Variants in WWOX observed in about 807,000 individuals in gnomAD.
The protein encoded by WWOX is WW domain containing oxidoreductase.
WWOX carries 69 observed loss-of-function variants against 46.2 expected under a neutral mutation model. The observed-to-expected ratio is 1.49, with a 90% CI of 1.23 to 1.82. The LOEUF (loss-of-function observed/expected upper bound fraction) is 1.82, where lower values mean the gene tolerates loss of function less well. Among genes scored for constraint, WWOX ranks in the 40% most tolerant of loss-of-function variants. WWOX has a pLI of 0.00. For missense variants in WWOX, 919 were observed against 542.6 expected (o/e 1.69, Z -6.89); for synonymous variants, 359 against 202.6 (o/e 1.77, Z -6.56).
intron 8 of WWOX, among the ~76,000 whole-genome samples, chr16:78,684,006 G>C (rs750474402): frequency 6.6e-6 from 1 of 152,140 alleles, no homozygotes; most frequent in African/African-American, 2.4e-5. Flanking sequence ...CTCTTTTTCT[G>C]ACTAGCTGAT....
In WWOX at chr16:78,432,644, C is replaced by G. The variant is rs201986739; in HGVS notation, c.948C>G (p.Val316=). ...ACCGTCGCCTCTCCCCACGCGGGGT[C>G]ACGTCGAACGCAGTGCATCCTGGAA... The part of the protein sequence containing the change: ...ELHRRLSPRG[V]TSNAVHPGNM... The change falls in exon 8 of 9, where the codon GTC becomes GTG. Residue 316 remains valine (V), a synonymous_variant. Transcript: ENST00000566780. 1.1e-5 allele frequency: 18 copies of G among 1,614,104 alleles called. No homozygotes were observed. The highest frequency in any genetic ancestry group is 1.4e-5 in the Non-Finnish European group (17 of 1,180,058).
At chr16:79,138,374 C>T (rs536808187) in intron 8 of WWOX, among the ~76,000 whole-genome samples, 40 of 152,276 alleles carry the variant, frequency 2.6e-4, no homozygotes, top group African/African-American at 8.4e-4. Context: ...TCCTTCAGTA[C>T]GCTGCCCAGT....
At chr16:78,928,503 C>G (rs1434698571) in intron 8 of WWOX, among the ~76,000 whole-genome samples, 1 of 152,098 alleles carries the variant, frequency 6.6e-6, no homozygotes, top group Non-Finnish European at 1.5e-5. Context: ...CGCCCGGCCC[C>G]ACTTTTCTTG....
chr16:78,638,904 T>C (rs570911982), intron 8 of WWOX, among the ~76,000 whole-genome samples: 3 of 152,138 alleles, frequency 2.0e-5, no homozygotes, highest in Admixed American at 6.5e-5. Flanking sequence ...AAAAAGAACT[T>C]TGAAGAAAAC....
chr16:78,583,584 G>A (rs2045117040), intron 8 of WWOX, among the ~76,000 whole-genome samples: 1 of 152,310 alleles, frequency 6.6e-6, no homozygotes, highest in African/African-American at 2.4e-5. Context: ...TGAAATGTCA[G>A]GGTCCCCCAT....
chr16:78,595,202 T>G (rs139862321), intron 8 of WWOX, among the ~76,000 whole-genome samples: 88 of 152,316 alleles, frequency 5.8e-4, no homozygotes, highest in African/African-American at 1.9e-3. Flanking sequence ...TGAAATAGAT[T>G]TGGAGTCAGA....
chr16:78,816,845 C>G (rs1033249411), intron 8 of WWOX, among the ~76,000 whole-genome samples: 4 of 152,058 alleles, frequency 2.6e-5, no homozygotes, highest in Non-Finnish European at 5.9e-5. Context: ...TCTGTGTAAT[C>G]TATTTCAGTT....
At chr16:79,001,315 C>T (rs939135086) in intron 8 of WWOX, among the ~76,000 whole-genome samples, 1 of 152,054 alleles carries the variant, frequency 6.6e-6, no homozygotes, top group Non-Finnish European at 1.5e-5. Context: ...TCTCCCTCCC[C>T]CTATTCTCAG....
At chr16:79,163,702 GC>G (rs1272871683) in intron 8 of WWOX, among the ~76,000 whole-genome samples, 1 of 151,408 alleles carries the variant, frequency 6.6e-6, no homozygotes, top group Non-Finnish European at 1.5e-5. Context: ...TGAGGCTGAG[GC>G]AGGAGAATCA....
At chr16:78,528,152 C>T (rs556524839) in intron 8 of WWOX, among the ~76,000 whole-genome samples, 21 of 138,096 alleles carry the variant, frequency 1.5e-4, no homozygotes, top group African/African-American at 5.1e-4. Context: ...GTGCCCGCCA[C>T]CACACCTGGC....
chr16:78,270,852 C>T (rs2079462732), intron 5 of WWOX, among the ~76,000 whole-genome samples: 1 of 152,110 alleles, frequency 6.6e-6, no homozygotes, highest in Non-Finnish European at 1.5e-5. Context: ...CCAAAGAAGG[C>T]TGTGTGCCAG....
intron 5 of WWOX, among the ~76,000 whole-genome samples, chr16:78,283,705 A>G (rs572559051): frequency 1.4e-3 from 208 of 150,130 alleles, no homozygotes; most frequent in Admixed American, 2.4e-3. Flanking sequence ...TTAAAAAAGA[A>G]AAAAAAAAAG....
At chr16:79,074,408 CCTTTTTTTTTTT>C (rs1333233386) in intron 8 of WWOX, among the ~76,000 whole-genome samples, 1 of 63,570 alleles carries the variant, frequency 1.6e-5, no homozygotes, top group Admixed American at 2.2e-4. Flanking sequence ...TGTCACTAGT[CCTTTTTTTTTTT>C]TTTTTTTTTT....
intron 8 of WWOX, among the ~76,000 whole-genome samples, chr16:78,996,645 T>C (rs1356613748): frequency 2.0e-5 from 3 of 152,082 alleles, no homozygotes; most frequent in East Asian, 1.9e-4. Flanking sequence ...AGGGAGACTC[T>C]AGTGTGCTCT....
At chr16:78,992,334 G>A (rs1375194828) in intron 8 of WWOX, among the ~76,000 whole-genome samples, 11 of 152,014 alleles carry the variant, frequency 7.2e-5, no homozygotes, top group Admixed American at 7.2e-4. Flanking sequence ...AGGTGTGGTG[G>A]TGGGTGCCTG....
chr16:79,190,217 G>T (rs966136130), intron 8 of WWOX, among the ~76,000 whole-genome samples: 38 of 152,112 alleles, frequency 2.5e-4, no homozygotes, highest in African/African-American at 8.9e-4. Flanking sequence ...TAAAGACAGG[G>T]TTTCACCGTG....
At chr16:79,064,196 A>G (rs958074768) in intron 8 of WWOX, among the ~76,000 whole-genome samples, 3 of 152,238 alleles carry the variant, frequency 2.0e-5, no homozygotes, top group Non-Finnish European at 4.4e-5. Context: ...TTGTTGTACA[A>G]GAGTGGGGTC....
intron 8 of WWOX, among the ~76,000 whole-genome samples, chr16:79,201,861 T>G (rs1364897602): frequency 6.6e-6 from 1 of 152,234 alleles, no homozygotes; most frequent in Non-Finnish European, 1.5e-5. Flanking sequence ...TCAGGTGATT[T>G]CATTTTTGTT....
Position 78,466,055 on chromosome 16 carries a change from G to T in WWOX, c.1056+33303G>T, listed in dbSNP as rs142088400. On this transcript the variant is annotated intron_variant, in intron 8 of 8. Coordinates refer to ENST00000566780, the MANE Select transcript of WWOX (RefSeq NM_016373.4). ...TGGTTTTTTGTTTTTTTTTTGAGAC[G>T]GAGTCTTGCTCTGTTGCCCAGGCTG... Among the ~76,000 whole-genome samples the T allele has an allele frequency of 5.9e-3, 894 of 151,132 alleles. 12 individuals carry two copies. The highest frequency in any genetic ancestry group is 0.021 in the African/African-American group (864 of 41,214).
Sources: gnomAD v4.1 joint callset for allele counts (sites outside exome capture counted in the v4.1 genomes callset) on GRCh38, gnomAD v4.1.1 for gene constraint, MANE v1.5 for transcripts, NCBI Gene and HGNC (gene_info 2026-07-23, HGNC 2026-07-21) for gene names.